ELMOD1: variants seen among roughly 807,000 people sequenced by gnomAD.
ELMOD1 encodes ELMO domain containing 1.
Under a neutral mutation model 46.7 loss-of-function variants are expected in ELMOD1, and 21 were observed. The observed-to-expected ratio is 0.45, with a 90% CI of 0.32 to 0.65. The LOEUF is 0.65. Among genes scored for constraint, ELMOD1 ranks in the 30% least tolerant of loss-of-function variants. ELMOD1 has a pLI of 0.04. For missense variants in ELMOD1, 348 were observed against 407.8 expected, an observed-to-expected ratio of 0.85 and a Z score of 1.26; for synonymous variants, 122 against 138.2, an observed-to-expected ratio of 0.88 and a Z score of 0.82.
chr11:107,601,417 T>C (rs1865595867), intron 1 of ELMOD1, among the ~76,000 whole-genome samples: 1 of 68,254 alleles, frequency 1.5e-5, no homozygotes, highest in African/African-American at 4.1e-5. Context: ...TAATTTTTTC[T>C]TTTTTTTTTT....
At chr11:107,624,137 G>T (rs1329263136) in intron 2 of ELMOD1, among the ~76,000 whole-genome samples, 1 of 152,042 alleles carries the variant, frequency 6.6e-6, no homozygotes, top group Non-Finnish European at 1.5e-5. Flanking sequence ...ATTGATGATG[G>T]AGCATGAATA....
chr11:107,599,576 T>C (rs985050824), intron 1 of ELMOD1, among the ~76,000 whole-genome samples: 3 of 151,548 alleles, frequency 2.0e-5, no homozygotes, highest in Non-Finnish European at 4.4e-5. Flanking sequence ...ACCTGATCTC[T>C]ACTACAAATA....
intron 2 of ELMOD1, chr11:107,625,256 G>A (rs1357335552): frequency 6.6e-5 from 23 of 350,432 alleles, no homozygotes; most frequent in East Asian, 1.7e-4. Flanking sequence ...ATGATCTGTC[G>A]GGGACATTGA....
intron 11 of ELMOD1, 89 bp downstream of exon 11, chr11:107,656,155 A>G (rs1428093428): frequency 1.4e-6 from 2 of 1,383,332 alleles, no homozygotes; most frequent in East Asian, 2.5e-5. Flanking sequence ...TGGGAGGCCA[A>G]GGCGAGTGGA....
intron 11 of ELMOD1, among the ~76,000 whole-genome samples, chr11:107,661,104 A>G (rs1203825677): frequency 1.3e-5 from 2 of 152,198 alleles, no homozygotes; most frequent in Non-Finnish European, 2.9e-5. Flanking sequence ...CATGTTACAC[A>G]GTCTTTACTT....
At chr11:107,643,692 C>T in intron 6 of ELMOD1, 2 of 516,052 alleles carry the variant, frequency 3.9e-6, no homozygotes, top group Middle Eastern at 5.1e-4. Flanking sequence ...TTCCATATAC[C>T]TGCATCTTGG....
intron 1 of ELMOD1, among the ~76,000 whole-genome samples, chr11:107,598,937 G>A (rs555867440): frequency 3.3e-5 from 5 of 152,342 alleles, no homozygotes; most frequent in African/African-American, 4.8e-5. Flanking sequence ...AACAGGGTGC[G>A]AGTCCATTTT....
At chr11:107,591,712 G>T (rs1367369268) in intron 1 of ELMOD1, 1 of 372,130 alleles carries the variant, frequency 2.7e-6, no homozygotes, top group Non-Finnish European at 5.6e-6. Flanking sequence ...GTCGCCTAGC[G>T]ACCTAACGCC....
At chr11:107,625,490 C>T in intron 2 of ELMOD1, 13 of 985,398 alleles carry the variant, frequency 1.3e-5, no homozygotes, top group Non-Finnish European at 1.3e-5. Context: ...AAGAAGACGT[C>T]AGAGTCACAA....
intron 6 of ELMOD1, among the ~76,000 whole-genome samples, chr11:107,644,305 AAAAAAAAAGCATTTTATTATTC>A (rs954267551): frequency 6.6e-6 from 1 of 151,800 alleles, no homozygotes; most frequent in Non-Finnish European, 1.5e-5. Context: ...CCAAAGAAAA[AAAAAAAAAGCATTTTATTATTC>A]AAATGTTTTA....
Position 107,651,304 on chromosome 11 carries a change from T to A in ELMOD1, c.647+396T>A, listed in dbSNP as rs556304053. On this transcript the variant is annotated intron_variant, in intron 9 of 11. Transcript: ENST00000265840. The stretch of plus-strand genomic sequence containing the variant: ...CTAATTTGATTGTTATAAATGATAG[T>A]TTTGTGTGTGTGTGTTAGTCACTCT... Among the ~76,000 whole-genome samples the A allele has an allele frequency of 5.3e-5, 8 of 152,334 alleles. No individual in the cohort carries two copies. The East Asian group carries it at 1.5e-3, about 29-fold the overall frequency.
At chr11:107,662,442 C>T (rs1866756394) in intron 11 of ELMOD1, among the ~76,000 whole-genome samples, 1 of 152,000 alleles carries the variant, frequency 6.6e-6, no homozygotes, top group Non-Finnish European at 1.5e-5. Context: ...GAAACCCTGT[C>T]TCTACTAAAA....
intron 1 of ELMOD1, among the ~76,000 whole-genome samples, chr11:107,598,865 T>C (rs1865539188): frequency 6.6e-6 from 1 of 152,226 alleles, no homozygotes; most frequent in Non-Finnish European, 1.5e-5. Flanking sequence ...GTGAGTTGCC[T>C]TCAGAACAAA....
rs963368944 is a variant in ELMOD1, at chr11:107,607,219, C to T, written c.-85-10886C>T. ...TGATTTCATCAGACTCTAGAAGGGC[C>T]ACATGTACATACTGTCAGACCATTC... is the stretch of plus-strand genomic sequence containing the variant. On this transcript the variant is annotated intron_variant, in intron 1 of 11. Transcript: ENST00000265840. 2.6e-5 allele frequency among the ~76,000 whole-genome samples: 4 copies of T among 152,124 alleles called. No individual in the cohort carries two copies. In the South Asian group the frequency reaches 8.3e-4, roughly 32 times the overall value.
chr11:107,635,147 C>T (rs1866206039), intron 5 of ELMOD1, among the ~76,000 whole-genome samples: 1 of 152,114 alleles, frequency 6.6e-6, no homozygotes, highest in East Asian at 1.9e-4. Flanking sequence ...TTGTCCTCAT[C>T]CTCATTCTCT....
At chr11:107,650,938 G>C (rs1866515574) in intron 9 of ELMOD1, 30 bp downstream of exon 9, 1 of 1,083,026 alleles carries the variant, frequency 9.2e-7, no homozygotes, top group South Asian at 1.8e-5. Context: ...GTGTTTTATT[G>C]CTTTTATTTT....
chr11:107,591,951 A>G (rs1220212960), intron 1 of ELMOD1: 2 of 519,138 alleles, frequency 3.9e-6, no homozygotes, highest in Non-Finnish European at 7.9e-6. Flanking sequence ...GCCTCCTCCA[A>G]CTGCTGGGAA....
At chr11:107,637,354 C>T (rs777999914) in intron 6 of ELMOD1, among the ~76,000 whole-genome samples, 1 of 152,148 alleles carries the variant, frequency 6.6e-6, no homozygotes, top group Non-Finnish European at 1.5e-5. Context: ...TTTCTGCCCT[C>T]AAGCAGCTTA....
chr11:107,642,037 C>T (rs892988973), intron 6 of ELMOD1, among the ~76,000 whole-genome samples: 6 of 150,328 alleles, frequency 4.0e-5, no homozygotes, highest in East Asian at 2.0e-4. Flanking sequence ...CTCTGCCTCC[C>T]GGGTTCAAGC....
Sources: gnomAD v4.1 joint callset for allele counts (sites outside exome capture counted in the v4.1 genomes callset) on GRCh38, gnomAD v4.1.1 for gene constraint, MANE v1.5 for transcripts, NCBI Gene and HGNC (gene_info 2026-07-23, HGNC 2026-07-21) for gene names.